ATP8B3: variants seen among roughly 807,000 people sequenced by gnomAD.
ATP8B3 encodes phospholipid-transporting ATPase IK.
A neutral mutation model predicts 140.9 loss-of-function variants in ATP8B3; 141 were observed. The observed-to-expected ratio is 1.00, with a 90% CI of 0.87 to 1.15. The LOEUF (loss-of-function observed/expected upper bound fraction) is 1.15, where lower values mean the gene tolerates loss of function less well. Ranked by LOEUF, ATP8B3 falls within the 50% of genes most tolerant of loss-of-function variation. The probability of loss-of-function intolerance (pLI) is 0.00; values close to 1 mark genes in which losing one functional copy is unlikely to be tolerated. For synonymous variants in ATP8B3, 765 were observed against 714.6 expected, an observed-to-expected ratio of 1.07 and a Z score of -1.13; for missense variants, 1,874 against 1,740.6, an observed-to-expected ratio of 1.08 and a Z score of -1.36.
Position 1,800,151 on chromosome 19 carries a change from C to T in ATP8B3, c.1348G>A (p.Glu450Lys), listed in dbSNP as rs868070059. Residue 450 changes from glutamate (E) to lysine (K), a missense_variant, in exon 14 of 29, where the codon GAG becomes AAG. By Grantham distance (56) the Glu-to-Lys change is moderately conservative. Transcript: ENST00000310127. The surrounding 1 kb of genome is among the most constrained non-coding windows in gnomAD (Gnocchi z 4.4). ...ACGCTGTTCCCCAGGTAGATGAACT[C>T]GGACCTGCAGAGGCACTCAGGGTCA... ...TIPMSMFILSEFIYLGNSVFI... is the reference protein window; with the variant it reads ...TIPMSMFILSKFIYLGNSVFI... The T allele has an allele frequency of 3.2e-6, 5 of 1,557,690 alleles. No individual in the cohort carries two copies. The highest frequency in any genetic ancestry group is 2.4e-5 in the South Asian group (2 of 84,212).
At position 1,783,162 on chromosome 19, in the gene ATP8B3, G is replaced by A. The variant is rs371280984; in HGVS notation, c.3769C>T (p.Arg1257Cys). The change falls in exon 29 of 29, where the codon CGT becomes TGT. Residue 1257 changes from arginine to cysteine, a missense_variant. This residue lies in a region of ATP8B3 where 840 missense variants were observed against 760.9 expected (regional missense o/e 1.10). Transcript: ENST00000310127. ...GTGATGAGGTTTGCATATCCCTCAC[G>A]GTGGGAGAAAGCATAGCTGGAACGG... ...ARRSSYAFSH[R>C]EGYANLITQG... is the part of the protein sequence containing the mutation. The A allele has an allele frequency of 9.3e-6, 15 of 1,613,584 alleles. No homozygotes were observed. The highest frequency in any genetic ancestry group is 5.0e-5 in the Admixed American group (3 of 59,968).
chr19:1,791,555 G>A (rs2068510746), intron 20 of ATP8B3, among the ~76,000 whole-genome samples, 195 bp downstream of exon 20: 1 of 151,962 alleles, frequency 6.6e-6, no homozygotes, highest in Non-Finnish European at 1.5e-5. Context: ...ACCTGGCCAG[G>A]CCCATTTTTG....
rs376979893 is a variant in ATP8B3, at chr19:1,792,069, C to T, written c.2122G>A (p.Glu708Lys). ...AYREVAEDIY[E>K]DWQQRHQEAS... ...TCCTGGTGGCGCTGCTGCCAGTCCT[C>T]GTAAATGTCCTCAGCCACCTCCCTG... The change falls in exon 19 of 29, where the codon GAG becomes AAG. Residue 708 changes from glutamate to lysine, a missense_variant. Physicochemically the swap from Glu to Lys is moderately conservative, Grantham distance 56. This residue lies in a region of ATP8B3 where 1,032 missense variants were observed against 963.6 expected (regional missense o/e 1.07). Transcript: ENST00000310127. The T allele has an allele frequency of 5.1e-5, 80 of 1,565,300 alleles. No homozygotes were observed. The highest frequency in any genetic ancestry group is 2.7e-4 in the African/African-American group (20 of 73,644).
rs751396274 is a variant in ATP8B3, at chr19:1,807,129, C to T, written c.615+39G>A. On this transcript the variant is annotated intron_variant, in intron 6 of 28. Transcript: ENST00000310127. The surrounding 1 kb of genome is among the most constrained non-coding windows in gnomAD (Gnocchi z 5.9). ...ATCAAGAGACCCCCCCGACCGGCCCCGCTCCCTCCCCCAGGCAGCTGCATC... is the reference window on the plus strand; with the variant it reads ...ATCAAGAGACCCCCCCGACCGGCCCTGCTCCCTCCCCCAGGCAGCTGCATC... 27 of 1,572,982 alleles carry T rather than the reference C, an allele frequency of 1.7e-5. No individual in the cohort carries two copies. Among genetic ancestry groups the T allele is most frequent in the Admixed American group, 5.0e-5 (3 of 59,892 alleles).
intron 18 of ATP8B3, among the ~76,000 whole-genome samples, chr19:1,792,762 A>G (rs1885284511): frequency 6.6e-6 from 1 of 151,606 alleles, no homozygotes; most frequent in Non-Finnish European, 1.5e-5. Context: ...AAACACATAA[A>G]AAATTAGCCA....
Position 1,782,247 on chromosome 19 carries a change from C to G in ATP8B3, c.*781G>C, listed in dbSNP as rs985919022. On this transcript the variant is annotated 3_prime_UTR_variant, in exon 29 of 29. Coordinates refer to ENST00000310127, the MANE Select transcript of ATP8B3 (RefSeq NM_138813.4). The stretch of plus-strand genomic sequence containing the variant: ...TATGCCAGCGTGACTCCTTTGGGCT[C>G]GAAGATGCCTCTTCATCAGATGGGT... The G allele has an allele frequency of 7.1e-5, 23 of 322,848 alleles. No homozygotes were observed. Among genetic ancestry groups the G allele is most frequent in the African/African-American group, 3.7e-4 (17 of 45,396 alleles). 20.0% of individuals were successfully genotyped at this position (322,848 alleles called of 1,614,324 possible). A position where few individuals can be genotyped will look rare whatever the true frequency, so the allele number is the denominator to read the frequency against.
intron 24 of ATP8B3, among the ~76,000 whole-genome samples, chr19:1,788,109 C>G (rs1015748997): frequency 6.6e-6 from 1 of 152,150 alleles, no homozygotes; most frequent in Admixed American, 6.5e-5. Context: ...CTGTAAAGCT[C>G]CCTCTCAAAT....
In ATP8B3 at chr19:1,806,956, G is replaced by A. The variant is rs572747670; in HGVS notation, c.615+212C>T. Among the ~76,000 whole-genome samples, 10 of 152,102 alleles carry A rather than the reference G, an allele frequency of 6.6e-5. No homozygotes were observed. Among genetic ancestry groups the A allele is most frequent in the Admixed American group, 6.5e-5 (1 of 15,292 alleles). ...CAAAGCTCAATGGCCCCAAAACCAC[G>A]CACCGACAGAGCCAACGCCACCTGC... On this transcript the variant is annotated intron_variant, in intron 6 of 28. Coordinates refer to ENST00000310127, the MANE Select transcript of ATP8B3 (RefSeq NM_138813.4). This position sits in a 1 kb window ranked among gnomAD's most constrained non-coding sequence, Gnocchi z 5.6.
intron 20 of ATP8B3, among the ~76,000 whole-genome samples, chr19:1,791,115 GA>G (rs914400893): frequency 6.6e-6 from 1 of 152,230 alleles, no homozygotes; most frequent in Non-Finnish European, 1.5e-5. Flanking sequence ...GTGCCTTCAG[GA>G]ACCCACAAAA....
chr19:1,784,264 C>T (rs2068236428), intron 28 of ATP8B3, among the ~76,000 whole-genome samples: 1 of 152,146 alleles, frequency 6.6e-6, no homozygotes, highest in East Asian at 1.9e-4. Flanking sequence ...CCTGAAATCC[C>T]AACATGTTAT....
intron 24 of ATP8B3, among the ~76,000 whole-genome samples, chr19:1,787,713 G>C (rs1310508585): frequency 8.3e-6 from 1 of 120,152 alleles, no homozygotes; most frequent in African/African-American, 3.2e-5. Flanking sequence ...TGGGCAACAA[G>C]TGTGAAACTC....
In ATP8B3 at chr19:1,806,432, G is replaced by A. The variant is rs962345965; in HGVS notation, c.677+196C>T. ...TCGCCCGAGCCCTAAGCTCTGCAAG[G>A]GTTCGCCATCAGGGCCTCGGCCTCT... On this transcript the variant is annotated intron_variant, in intron 7 of 28. Transcript: ENST00000310127. This position sits in a 1 kb window ranked among gnomAD's most constrained non-coding sequence, Gnocchi z 5.6. The A allele has an allele frequency of 6.2e-6, 9 of 1,449,190 alleles. No homozygotes were observed. The Admixed American group carries it at 1.3e-4, about 21-fold the overall frequency. 89.8% of individuals were successfully genotyped at this position (1,449,190 alleles called of 1,614,324 possible).
At chr19:1,793,111 G>A (rs1167032633) in intron 18 of ATP8B3, among the ~76,000 whole-genome samples, 1 of 149,846 alleles carries the variant, frequency 6.7e-6, no homozygotes, top group Non-Finnish European at 1.5e-5. Flanking sequence ...GGGGGTGGGG[G>A]ATAGGGTCTC....
At chr19:1,788,801 G>T in intron 24 of ATP8B3, 96 bp downstream of exon 24, 1 of 1,204,300 alleles carries the variant, frequency 8.3e-7, no homozygotes, top group Non-Finnish European at 1.2e-6. Context: ...GGATCCCAGG[G>T]TTCTCAGTGC....
At position 1,806,844 on chromosome 19, in the gene ATP8B3, G is replaced by C. The variant is rs956378599; in HGVS notation, c.616-155C>G. Among the ~76,000 whole-genome samples, 3 of 152,186 alleles carry C rather than the reference G, an allele frequency of 2.0e-5. No homozygotes were observed. Among genetic ancestry groups the C allele is most frequent in the African/African-American group, 7.2e-5 (3 of 41,446 alleles). ...TTGCGTCTGCTCAGGGATCCCGGACGTGGGGGCCACTGGACCCACTGCTAT... is the reference window on the plus strand; with the variant it reads ...TTGCGTCTGCTCAGGGATCCCGGACCTGGGGGCCACTGGACCCACTGCTAT... On this transcript the variant is annotated intron_variant, in intron 6 of 28. Transcript: ENST00000310127. The surrounding 1 kb of genome is among the most constrained non-coding windows in gnomAD (Gnocchi z 5.6).
chr19:1,803,101 C>A (rs943240540), intron 10 of ATP8B3, among the ~76,000 whole-genome samples: 17 of 152,132 alleles, frequency 1.1e-4, no homozygotes, highest in African/African-American at 1.4e-4. Context: ...GGAGAAGGGA[C>A]GCCTGATCGA....
In ATP8B3 at chr19:1,811,837, G is replaced by C; in HGVS notation, c.-101C>G. ...CCCCGTGGGGGCAGACTGGGGATTGGAGAGTTGGAGAGAATGCTCAAATGG... is the reference window on the plus strand; with the variant it reads ...CCCCGTGGGGGCAGACTGGGGATTGCAGAGTTGGAGAGAATGCTCAAATGG... On this transcript the variant is annotated 5_prime_UTR_variant, in exon 2 of 29. Transcript: ENST00000310127. 7.9e-7 allele frequency: 1 copy of C among 1,263,606 alleles called. No homozygotes were observed. Among genetic ancestry groups the C allele is most frequent in the African/African-American group, 1.5e-5 (1 of 66,682 alleles). 78.3% of individuals were successfully genotyped at this position (1,263,606 alleles called of 1,614,324 possible). A position where few individuals can be genotyped will look rare whatever the true frequency, so the allele number is the denominator to read the frequency against.
In ATP8B3 at chr19:1,782,933, G is replaced by A; in HGVS notation, c.*95C>T. On this transcript the variant is annotated 3_prime_UTR_variant, in exon 29 of 29. Transcript: ENST00000310127. ...GGATTGTCTATCCATAGAAAATGAT[G>A]AGCTAGGTGTAGGGGGGAGCTGTAC... is the stretch of plus-strand genomic sequence containing the variant. The A allele has an allele frequency of 6.9e-7, 1 of 1,445,964 alleles. No individual in the cohort carries two copies. Among genetic ancestry groups the A allele is most frequent in the Non-Finnish European group, 9.3e-7 (1 of 1,073,328 alleles). 89.6% of individuals were successfully genotyped at this position (1,445,964 alleles called of 1,614,324 possible).
chr19:1,784,796 C>CCCCAGG, intron 28 of ATP8B3, 23 bp downstream of exon 28: 1 of 1,577,610 alleles, frequency 6.3e-7, no homozygotes, highest in African/African-American at 1.3e-5. Context: ...CAGATGAGGA[C>CCCCAGG]CCCAGGCCCA....
Sources: allele counts gnomAD v4.1 joint callset (sites outside exome capture counted in the v4.1 genomes callset), GRCh38; gene constraint gnomAD v4.1.1; regional missense constraint gnomAD v4.1.1; non-coding constraint Gnocchi (gnomAD v3.1); transcripts MANE v1.5; gene names NCBI Gene and HGNC (gene_info 2026-07-23, HGNC 2026-07-21).